The following NAALADL2 variants were observed in gnomAD, a reference collection of about 807,000 sequenced individuals.
NAALADL2 encodes N-acetylated alpha-linked acidic dipeptidase like 2.
In NAALADL2, 76 loss-of-function variants were observed where a neutral mutation model predicts 87.2. The observed-to-expected ratio is 0.87, with a 90% CI of 0.72 to 1.05. The LOEUF is 1.05. Ranked by LOEUF, NAALADL2 falls within the 50% of genes least tolerant of loss-of-function variation. The probability of loss-of-function intolerance (pLI) is 0.00; values close to 1 mark genes in which losing one functional copy is unlikely to be tolerated. For synonymous variants in NAALADL2, 354 were observed against 331.0 expected (o/e 1.07, Z -0.75); for missense variants, 1,089 against 945.8 (o/e 1.15, Z -1.99).
At chr3:175,606,928 T>C (rs893079035) in intron 10 of NAALADL2, among the ~76,000 whole-genome samples, 7 of 152,164 alleles carry the variant, frequency 4.6e-5, no homozygotes, top group African/African-American at 7.2e-5. Context: ...AACATAAAAT[T>C]TAACAAGCAA....
chr3:174,666,970 G>A (rs1726009169), intron 2 of NAALADL2, among the ~76,000 whole-genome samples: 1 of 152,084 alleles, frequency 6.6e-6, no homozygotes, highest in Non-Finnish European at 1.5e-5. Context: ...ATCTAACATA[G>A]TGTCCTCAAG....
intron 1 of NAALADL2, among the ~76,000 whole-genome samples, chr3:174,946,500 T>G (rs956664961): frequency 3.9e-5 from 6 of 152,192 alleles, no homozygotes; most frequent in Non-Finnish European, 8.8e-5. Flanking sequence ...TAGGATTACT[T>G]TGAGAATTAT....
chr3:175,054,148 A>G (rs922950874), intron 1 of NAALADL2, among the ~76,000 whole-genome samples: 2 of 152,236 alleles, frequency 1.3e-5, no homozygotes, highest in African/African-American at 4.8e-5. Context: ...CAATACCTCA[A>G]TTACAGCTAC....
At chr3:174,994,408 T>A (rs2108731574) in intron 1 of NAALADL2, among the ~76,000 whole-genome samples, 1 of 152,316 alleles carries the variant, frequency 6.6e-6, no homozygotes, top group South Asian at 2.1e-4. Context: ...CTTTAAACAT[T>A]CTTAACACTT....
At chr3:175,239,566 T>C (rs2109576827) in intron 3 of NAALADL2, among the ~76,000 whole-genome samples, 1 of 152,290 alleles carries the variant, frequency 6.6e-6, no homozygotes, top group South Asian at 2.1e-4. Context: ...TTCCATACAT[T>C]TTATGGATTT....
intron 13 of NAALADL2, among the ~76,000 whole-genome samples, chr3:175,763,610 TAGAA>T (rs1748320095): frequency 6.6e-6 from 1 of 152,156 alleles, no homozygotes; most frequent in South Asian, 2.1e-4. Context: ...AGTATACAAA[TAGAA>T]AGCAATGGGA....
chr3:175,362,665 T>A (rs1765164943), intron 5 of NAALADL2, among the ~76,000 whole-genome samples: 1 of 148,410 alleles, frequency 6.7e-6, no homozygotes. Flanking sequence ...ATCTATTTCA[T>A]ATAATGGCTT....
chr3:175,416,131 A>G (rs1250610610), intron 5 of NAALADL2, among the ~76,000 whole-genome samples: 1 of 151,998 alleles, frequency 6.6e-6, no homozygotes, highest in Non-Finnish European at 1.5e-5. Context: ...TAAAATAAAT[A>G]AATAAATAAA....
At chr3:174,902,790 A>C (rs1484261547) in intron 1 of NAALADL2, among the ~76,000 whole-genome samples, 1 of 152,092 alleles carries the variant, frequency 6.6e-6, no homozygotes, top group Admixed American at 6.6e-5. Flanking sequence ...GGAGGGCGGC[A>C]CTGATGGTAA....
rs140543843 is a variant in NAALADL2 at position 174,711,475 on chromosome 3, G to C, written c.-114-26166G>C. On this transcript the variant is annotated intron_variant, in intron 2 of 3. Transcript: ENST00000434257. ...TATAGTTAAGTAAGTAGAATGCCTA[G>C]ATTTTCTATTTCCAGGAAAGTACAA... is the stretch of plus-strand genomic sequence containing the variant. 8.2e-3 allele frequency among the ~76,000 whole-genome samples: 1,248 copies of C among 152,292 alleles called. 9 individuals carry two copies. The highest frequency in any genetic ancestry group is 0.013 in the Non-Finnish European group (910 of 68,026).
Position 175,438,192 on chromosome 3 carries a change from C to T in NAALADL2, c.1091-9037C>T, listed in dbSNP as rs539286123. Among the ~76,000 whole-genome samples, 555 of 152,104 alleles carry T rather than the reference C, an allele frequency of 3.6e-3. 3 individuals are homozygous for T. The highest frequency in any genetic ancestry group is 0.013 in the African/African-American group (523 of 41,518). On this transcript the variant is annotated intron_variant, in intron 5 of 13. Transcript: ENST00000454872. ...CATAGCACAAAGCATTTTTAAAGTA[C>T]GTTTCCATTTTAAATAATAATCTAA... is the stretch of plus-strand genomic sequence containing the variant.
chr3:175,586,252 T>C (rs1310072420), intron 10 of NAALADL2, among the ~76,000 whole-genome samples: 9 of 150,376 alleles, frequency 6.0e-5, no homozygotes. Flanking sequence ...AAGCAAATGT[T>C]TCTGTACAGA....
intron 13 of NAALADL2, chr3:175,767,535 T>C (rs1748879442): frequency 6.6e-6 from 1 of 152,078 alleles, no homozygotes; most frequent in African/African-American, 2.4e-5. Flanking sequence ...ATTAGAAGTG[T>C]TGAAGATATA....
intron 3 of NAALADL2, among the ~76,000 whole-genome samples, chr3:174,823,007 C>T (rs1388168917): frequency 2.0e-5 from 3 of 152,280 alleles, no homozygotes. Flanking sequence ...TATCTTTTCA[C>T]TTGAATATAA....
chr3:174,807,028 A>T (rs948255661), intron 3 of NAALADL2, among the ~76,000 whole-genome samples: 1 of 152,278 alleles, frequency 6.6e-6, no homozygotes, highest in East Asian at 1.9e-4. Context: ...CTTGAAATTG[A>T]GATTAAGTGT....
intron 4 of NAALADL2, among the ~76,000 whole-genome samples, chr3:175,264,901 AGTATGGTTC>A (rs1347908104): frequency 6.6e-6 from 1 of 151,702 alleles, no homozygotes; most frequent in Admixed American, 6.6e-5. Flanking sequence ...TGAGATATCA[AGTATGGTTC>A]CCAAAAACCA....
At chr3:174,756,901 T>C (rs1292947379) in intron 3 of NAALADL2, among the ~76,000 whole-genome samples, 1 of 152,202 alleles carries the variant, frequency 6.6e-6, no homozygotes, top group Admixed American at 6.5e-5. Context: ...TTCTCCATTT[T>C]ATAAGATTTT....
intron 3 of NAALADL2, among the ~76,000 whole-genome samples, chr3:174,797,771 A>T (rs982627892): frequency 7.9e-5 from 12 of 152,176 alleles, no homozygotes; most frequent in Non-Finnish European, 8.8e-5. Flanking sequence ...GTTAAGCCAA[A>T]TTATATCTGA....
rs947610022 is a variant in NAALADL2, at chr3:175,648,444, C to T, written c.1896+21058C>T. 2.0e-5 allele frequency among the ~76,000 whole-genome samples: 3 copies of T among 150,998 alleles called. No homozygotes were observed. In the East Asian group the frequency reaches 5.8e-4, roughly 29 times the overall value. On this transcript the variant is annotated intron_variant, in intron 11 of 13. Transcript: ENST00000454872. Reference sequence around the variant, plus strand: ...AATGAGAATTTGGAACTATAGTACCCCTGTTGGCAATGATTCAAGTGAAGC... The same window carrying T: ...AATGAGAATTTGGAACTATAGTACCTCTGTTGGCAATGATTCAAGTGAAGC...
Sources: allele counts gnomAD v4.1 joint callset (sites outside exome capture counted in the v4.1 genomes callset), GRCh38; gene constraint gnomAD v4.1.1; transcripts MANE v1.5; gene names NCBI Gene and HGNC (gene_info 2026-07-23, HGNC 2026-07-21).